Variants in MEN1 observed in about 807,000 individuals in gnomAD.
MEN1 encodes the protein menin 1, also known as menin.
Under a neutral mutation model 58.0 loss-of-function variants are expected in MEN1, and 6 were observed. The observed-to-expected ratio is 0.10, with a 90% CI of 0.06 to 0.20. The LOEUF is 0.20. Ranked by LOEUF, MEN1 falls within the 10% of genes least tolerant of loss-of-function variation. The pLI, the probability that MEN1 is intolerant of heterozygous loss-of-function variation, is 1.00. For missense variants in MEN1, 492 were observed against 818.5 expected (o/e 0.60, Z 4.87); for synonymous variants, 346 against 350.7 (o/e 0.99, Z 0.15).
At position 64,804,974 on chromosome 11, in the gene MEN1, C is replaced by T; in HGVS notation, c.1350+60G>A. 1.9e-6 allele frequency: 3 copies of T among 1,606,024 alleles called. No individual in the cohort carries two copies. Among genetic ancestry groups the T allele is most frequent in the Non-Finnish European group, 2.5e-6 (3 of 1,179,696 alleles). ...CTGCCCCTGGGCCAGAAAAGTCTGA[C>T]AAGCCCGTGGCTGCTGTCACCACCT... On this transcript the variant is annotated intron_variant, in intron 9 of 9. Transcript: ENST00000450708. This position sits in a 1 kb window ranked among gnomAD's most constrained non-coding sequence, Gnocchi z 4.2.
chr11:64,810,121 GT>G lies in MEN1; in HGVS notation c.-13del. 6.5e-7 allele frequency: 1 copy of G among 1,542,868 alleles called. No individual in the cohort carries two copies. The highest frequency in any genetic ancestry group is 1.2e-5 in the South Asian group (1 of 85,180). On this transcript the variant is annotated 5_prime_UTR_variant, in exon 2 of 10. Coordinates refer to ENST00000450708, the MANE Select transcript of MEN1 (RefSeq NM_001370259.2). ...GCCTTCAGCCCCATGGCGGCGGGCG[GT>G]GGGCGGCGGCCTGCAAGGCAAGCCG...
At chr11:64,805,325 T>C in intron 8 of MEN1, 127 bp from the exon 9 acceptor site, 1 of 1,114,078 alleles carries the variant, frequency 9.0e-7, no homozygotes, top group Admixed American at 2.6e-5. Flanking sequence ...GTTGGGAACA[T>C]TCTTAGAACC....
Position 64,807,744 on chromosome 11 carries a change from A to C in MEN1, c.655-64T>G, listed in dbSNP as rs543229895. The C allele has an allele frequency of 3.1e-4, 500 of 1,613,288 alleles. 1 individual carries two copies. Among genetic ancestry groups the C allele is most frequent in the Non-Finnish European group, 4.0e-4 (468 of 1,179,614 alleles). Reference sequence around the variant, plus strand: ...CACCCTGTGCCTGCTTCAGGGAATGACAGCCAGGAAAAGGGGCTCTTCTGT... The same window carrying C: ...CACCCTGTGCCTGCTTCAGGGAATGCCAGCCAGGAAAAGGGGCTCTTCTGT... On this transcript the variant is annotated intron_variant, in intron 3 of 9. Coordinates refer to ENST00000450708, the MANE Select transcript of MEN1 (RefSeq NM_001370259.2). This position sits in a 1 kb window ranked among gnomAD's most constrained non-coding sequence, Gnocchi z 4.9.
chr11:64,806,210 GC>G lies in MEN1; in HGVS notation c.1049+21del, dbSNP rs746121772. 2.5e-6 allele frequency: 4 copies of G among 1,613,698 alleles called. No individual in the cohort carries two copies. In the South Asian group the frequency reaches 4.4e-5, roughly 18 times the overall value. On this transcript the variant is annotated intron_variant, in intron 7 of 9. Transcript: ENST00000450708. ...GAGGGGAAGAAAGGACAGGCTGCAGGCCCTAGTAGGGGGATCCTCACTCCTG... is the reference window on the plus strand; with the variant it reads ...GAGGGGAAGAAAGGACAGGCTGCAGGCCTAGTAGGGGGATCCTCACTCCTG...
At position 64,804,604 on chromosome 11, in the gene MEN1, A is replaced by C. The variant is rs1298628314; in HGVS notation, c.1563T>G (p.Thr521=). 6.2e-7 allele frequency: 1 copy of C among 1,610,768 alleles called. No homozygotes were observed. The highest frequency in any genetic ancestry group is 8.5e-7 in the Non-Finnish European group (1 of 1,179,428). Residue 521 remains threonine (T), a synonymous_variant, in exon 10 of 10, where the codon ACT becomes ACG. Coordinates refer to ENST00000450708, the MANE Select transcript of MEN1 (RefSeq NM_001370259.2). This position sits in a 1 kb window ranked among gnomAD's most constrained non-coding sequence, Gnocchi z 4.2. ...CAGGGCCTCGGGCTGTGCCAGCGAC[A>C]GTCCCAGGAGGCTTCCGGGGGGGTC... is the stretch of plus-strand genomic sequence containing the variant. ...VSGPPRKPPG[T]VAGTARGPEG...
At position 64,807,766 on chromosome 11, in the gene MEN1, C is replaced by A; in HGVS notation, c.655-86G>T. On this transcript the variant is annotated intron_variant, in intron 3 of 9. Transcript: ENST00000450708. The surrounding 1 kb of genome is among the most constrained non-coding windows in gnomAD (Gnocchi z 4.9). ...ATGACAGCCAGGAAAAGGGGCTCTT[C>A]TGTCTTCCCTTCCTATGTGGGTGGT... 1 of 1,610,896 alleles carries A rather than the reference C, an allele frequency of 6.2e-7. No individual in the cohort carries two copies. Among genetic ancestry groups the A allele is most frequent in the Non-Finnish European group, 8.5e-7 (1 of 1,177,812 alleles).
At position 64,804,591 on chromosome 11, in the gene MEN1, C is replaced by T. The variant is rs1295193195; in HGVS notation, c.1576G>A (p.Ala526Thr). ...GTGCTGCCACCTTCAGGGCCTCGGGCTGTGCCAGCGACAGTCCCAGGAGGC... is the reference window on the plus strand; with the variant it reads ...GTGCTGCCACCTTCAGGGCCTCGGGTTGTGCCAGCGACAGTCCCAGGAGGC... ...RKPPGTVAGTARGPEGGSTAQ... is the reference protein window; with the variant it reads ...RKPPGTVAGTTRGPEGGSTAQ... Residue 526 changes from alanine to threonine, a missense_variant, in exon 10 of 10, where the codon GCC becomes ACC. This residue lies in a region of MEN1 where 79 missense variants were observed against 82.5 expected (regional missense o/e 0.96). Coordinates refer to ENST00000450708, the MANE Select transcript of MEN1 (RefSeq NM_001370259.2). The surrounding 1 kb of genome is among the most constrained non-coding windows in gnomAD (Gnocchi z 4.2). 4 of 1,611,850 alleles carry T rather than the reference C, an allele frequency of 2.5e-6. No homozygotes were observed. In the East Asian group the frequency reaches 6.7e-5, roughly 27 times the overall value.
Position 64,804,924 on chromosome 11 carries a change from C to A in MEN1, c.1351-108G>T. The stretch of plus-strand genomic sequence containing the variant: ...CCCACCCAGGGGGTCTCAGTCCCAT[C>A]GGCACCCAAGGGGATGGGCAGATGC... On this transcript the variant is annotated intron_variant, in intron 9 of 9. Coordinates refer to ENST00000450708, the MANE Select transcript of MEN1 (RefSeq NM_001370259.2). This position sits in a 1 kb window ranked among gnomAD's most constrained non-coding sequence, Gnocchi z 4.2. 6 of 1,597,694 alleles carry A rather than the reference C, an allele frequency of 3.8e-6. No homozygotes were observed. Among genetic ancestry groups the A allele is most frequent in the African/African-American group, 1.3e-5 (1 of 75,036 alleles).
chr11:64,804,948 G>C lies in MEN1; in HGVS notation c.1350+86C>G, dbSNP rs1941592247. ...TCGGCACCCAAGGGGATGGGCAGAT[G>C]CTGCCCCTGGGCCAGAAAAGTCTGA... On this transcript the variant is annotated intron_variant, in intron 9 of 9. Transcript: ENST00000450708. The surrounding 1 kb of genome is among the most constrained non-coding windows in gnomAD (Gnocchi z 4.2). 1.9e-6 allele frequency: 3 copies of C among 1,597,520 alleles called. No individual in the cohort carries two copies. The highest frequency in any genetic ancestry group is 1.7e-5 in the Admixed American group (1 of 60,022).
At position 64,806,291 on chromosome 11, in the gene MEN1, G is replaced by C; in HGVS notation, c.990C>G (p.Arg330=). ...GCAGGGCTTCCCGCACATTGCGGTT[G>C]CGACAGTGGTAGCCAGCCAGGTACA... is the stretch of plus-strand genomic sequence containing the variant. The part of the protein sequence containing the change: ...PYMYLAGYHC[R]NRNVREALQA... Residue 330 remains arginine, a synonymous_variant, in exon 7 of 10, where the codon CGC becomes CGG. Coordinates refer to ENST00000450708, the MANE Select transcript of MEN1 (RefSeq NM_001370259.2). 6.2e-7 allele frequency: 1 copy of C among 1,614,220 alleles called. No homozygotes were observed. Among genetic ancestry groups the C allele is most frequent in the Non-Finnish European group, 8.5e-7 (1 of 1,180,020 alleles).
In MEN1 at chr11:64,803,695, T is replaced by C. The variant is rs1252758728; in HGVS notation, c.*639A>G. On this transcript the variant is annotated 3_prime_UTR_variant, in exon 10 of 10. Coordinates refer to ENST00000450708, the MANE Select transcript of MEN1 (RefSeq NM_001370259.2). ...GAGGGTCGGAAGGGAGGTCCTGCTC[T>C]GATCCGGGGCCAGTTTCGTCAGGAA... 1.4e-4 allele frequency: 33 copies of C among 242,320 alleles called. No individual in the cohort carries two copies. In the East Asian group the frequency reaches 1.9e-3, roughly 14 times the overall value. The allele number at this position is 242,320 out of a possible 1,614,324, so 15.0% of individuals were successfully genotyped here.
upstream of MEN1, chr11:64,810,557 C>T (rs1942061846): frequency 6.0e-6 from 1 of 166,432 alleles, no homozygotes; most frequent in South Asian, 1.7e-4. Context: ...CGCACGCCGC[C>T]CGGAGCCTGC....
rs1379702993 is a variant in MEN1, at chr11:64,803,615, C to T, written c.*719G>A. On this transcript the variant is annotated 3_prime_UTR_variant, in exon 10 of 10. Coordinates refer to ENST00000450708, the MANE Select transcript of MEN1 (RefSeq NM_001370259.2). The stretch of plus-strand genomic sequence containing the variant: ...GCTCTTGTCACCCACTCCTAACCCT[C>T]TGCAGATTTCCTCCGGGATGCTCCG... 1 of 234,616 alleles carries T rather than the reference C, an allele frequency of 4.3e-6. No individual in the cohort carries two copies. The highest frequency in any genetic ancestry group is 6.0e-5 in the East Asian group (1 of 16,598). 14.5% of individuals were successfully genotyped at this position (234,616 alleles called of 1,614,324 possible).
chr11:64,805,617 G>A lies in MEN1; in HGVS notation c.1185+18C>T, dbSNP rs780329058. On this transcript the variant is annotated intron_variant, in intron 8 of 9. Transcript: ENST00000450708. ...CCAGGTGGGAGGCTGGACACAGGCT[G>A]GAGCTCCAGCCTTTCACCTGGCTTT... 7.4e-6 allele frequency: 12 copies of A among 1,612,798 alleles called. No individual in the cohort carries two copies. In the East Asian group the frequency reaches 2.2e-4, roughly 30 times the overall value.
rs1941802796 is a variant in MEN1 at position 64,807,316 on chromosome 11, C to G, written c.784-97G>C. On this transcript the variant is annotated intron_variant, in intron 4 of 9. Transcript: ENST00000450708. This position sits in a 1 kb window ranked among gnomAD's most constrained non-coding sequence, Gnocchi z 4.9. ...GGTGGGGGTCAGAACCAACAGGGAC[C>G]ACCCACCATGTGGAAGGGCCAAAAT... The G allele has an allele frequency of 1.5e-5, 22 of 1,426,922 alleles. No individual in the cohort carries two copies. The highest frequency in any genetic ancestry group is 2.1e-5 in the Non-Finnish European group (22 of 1,038,156). The allele number at this position is 1,426,922 out of a possible 1,614,324, so 88.4% of individuals were successfully genotyped here. A position where few individuals can be genotyped will look rare whatever the true frequency, so the allele number is the denominator to read the frequency against.
At chr11:64,810,379 A>C in intron 1 of MEN1, 135 bp downstream of exon 1, 3 of 526,516 alleles carry the variant, frequency 5.7e-6, no homozygotes, top group Non-Finnish European at 1.0e-5. Context: ...AAGCACCCCA[A>C]TGAGGAGCCC....
In MEN1 at chr11:64,807,876, G is replaced by A. The variant is rs1262314762; in HGVS notation, c.654+15C>T. The A allele has an allele frequency of 6.2e-7, 1 of 1,613,770 alleles. No individual in the cohort carries two copies. Among genetic ancestry groups the A allele is most frequent in the South Asian group, 1.1e-5 (1 of 91,068 alleles). ...ACAGTATGAAGGGGACAAGGCTGGG[G>A]GGAGGGAACAATACCCGCTCAGCCA... On this transcript the variant is annotated intron_variant, in intron 3 of 9. Coordinates refer to ENST00000450708, the MANE Select transcript of MEN1 (RefSeq NM_001370259.2). This position sits in a 1 kb window ranked among gnomAD's most constrained non-coding sequence, Gnocchi z 4.9.
In MEN1 at chr11:64,804,519, C is replaced by G. The variant is rs562257963; in HGVS notation, c.1648G>C (p.Val550Leu). Residue 550 changes from valine to leucine, a missense_variant, in exon 10 of 10, where the codon GTG becomes CTG. By Grantham distance (32) the Val-to-Leu change is conservative. This residue lies in a region of MEN1 where 79 missense variants were observed against 82.5 expected (regional missense o/e 0.96). Coordinates refer to ENST00000450708, the MANE Select transcript of MEN1 (RefSeq NM_001370259.2). The surrounding 1 kb of genome is among the most constrained non-coding windows in gnomAD (Gnocchi z 4.2). ...PTASPPPEGPVLTFQSEKMKG... is the reference protein window; with the variant it reads ...PTASPPPEGPLLTFQSEKMKG... ...ATCTTCTCACTCTGGAAAGTGAGCA[C>G]TGGACCCTCCGGCGGTGGTGATGCT... The G allele has an allele frequency of 5.0e-6, 8 of 1,614,114 alleles. No individual in the cohort carries two copies. Among genetic ancestry groups the G allele is most frequent in the Non-Finnish European group, 6.8e-6 (8 of 1,180,026 alleles).
rs1941471710 is a variant in MEN1, at chr11:64,804,181, G to A, written c.*153C>T. 1.1e-6 allele frequency: 1 copy of A among 932,316 alleles called. No homozygotes were observed. Among genetic ancestry groups the A allele is most frequent in the African/African-American group, 1.6e-5 (1 of 61,048 alleles). 57.8% of individuals were successfully genotyped at this position (932,316 alleles called of 1,614,324 possible). On this transcript the variant is annotated 3_prime_UTR_variant, in exon 10 of 10. Transcript: ENST00000450708. This position sits in a 1 kb window ranked among gnomAD's most constrained non-coding sequence, Gnocchi z 4.2. ...GGGTTCTGAGCTGGAGAAAATCGTGGGTTTGATACAGACTGTACTCGGGAC... is the reference window on the plus strand; with the variant it reads ...GGGTTCTGAGCTGGAGAAAATCGTGAGTTTGATACAGACTGTACTCGGGAC...
Sources: gnomAD v4.1 joint callset for allele counts on GRCh38, gnomAD v4.1.1 for gene constraint, gnomAD v4.1.1 regional missense constraint, Gnocchi (gnomAD v3.1) non-coding constraint, MANE v1.5 for transcripts, NCBI Gene and HGNC (gene_info 2026-07-23, HGNC 2026-07-21) for gene names.